SPTB: variants seen among roughly 807,000 people sequenced by gnomAD.
SPTB encodes the protein spectrin beta chain, erythrocytic.
In SPTB, 45 loss-of-function variants were observed where a neutral mutation model predicts 256.2. The ratio of observed to expected loss-of-function variants is 0.18; its 90% CI spans 0.14 to 0.23. The LOEUF (loss-of-function observed/expected upper bound fraction) is 0.23, where lower values mean the gene tolerates loss of function less well. Among genes scored for constraint, SPTB ranks in the 10% least tolerant of loss-of-function variants. SPTB has a pLI of 1.00. For missense variants in SPTB, 2,715 were observed against 3,040.4 expected (o/e 0.89, Z 2.52); for synonymous variants, 1,231 against 1,243.1 (o/e 0.99, Z 0.21).
chr14:64,769,854 T>C, intron 27 of SPTB, 126 bp from the exon 28 acceptor site: 1 of 1,359,460 alleles, frequency 7.4e-7, no homozygotes, highest in Non-Finnish European at 1.0e-6. Context: ...CCTCTCTCTC[T>C]GGCCAGCCAG....
chr14:64,861,368 T>C (rs1212806754), intron 1 of SPTB, among the ~76,000 whole-genome samples: 2 of 152,204 alleles, frequency 1.3e-5, no homozygotes, highest in African/African-American at 2.4e-5. Flanking sequence ...CTTGACAGCA[T>C]ACACTCAAGC....
At chr14:64,798,581 G>C (rs1013377850) in intron 9 of SPTB, among the ~76,000 whole-genome samples, 1 of 152,210 alleles carries the variant, frequency 6.6e-6, no homozygotes, top group African/African-American at 2.4e-5. Context: ...CCCACCCTGA[G>C]CCCAGCCTAA....
rs74343058 is a variant in SPTB, at chr14:64,871,297, A to T, written c.-52+8495T>A. Reference sequence around the variant, plus strand: ...TCCAAATCTGGGAGAAATGGTCAGGACTCAGTAAGCAGAAGTGGACAAACT... The same window carrying T: ...TCCAAATCTGGGAGAAATGGTCAGGTCTCAGTAAGCAGAAGTGGACAAACT... On this transcript the variant is annotated intron_variant, in intron 1 of 35. Coordinates refer to ENST00000644917, the MANE Select transcript of SPTB (RefSeq NM_001355436.2). Among the ~76,000 whole-genome samples the T allele has an allele frequency of 5.3e-5, 8 of 152,254 alleles. No homozygotes were observed. The East Asian group carries it at 1.5e-3, about 29-fold the overall frequency.
chr14:64,803,513 T>C, intron 4 of SPTB, 94 bp downstream of exon 4: 1 of 1,508,180 alleles, frequency 6.6e-7, no homozygotes. Context: ...GAATGTGCAC[T>C]AACACCCACA....
At chr14:64,769,931 C>A (rs2082253306) in intron 27 of SPTB, among the ~76,000 whole-genome samples, 2 of 152,154 alleles carry the variant, frequency 1.3e-5, no homozygotes, top group Non-Finnish European at 2.9e-5. Context: ...TGCTCAGTGG[C>A]CAGAGCATGG....
At position 64,841,276 on chromosome 14, in the gene SPTB, G is replaced by T. The variant is rs1374504203; in HGVS notation, c.-51-18131C>A. The stretch of plus-strand genomic sequence containing the variant: ...CAGAGCCAGGATTCAAACGCAGGCA[G>T]TCTGAGTCAGAGCCCCTGCCCTTAC... On this transcript the variant is annotated intron_variant, in intron 1 of 35. Transcript: ENST00000644917. The surrounding 1 kb of genome is among the most constrained non-coding windows in gnomAD (Gnocchi z 4.6). Among the ~76,000 whole-genome samples, 3 of 152,192 alleles carry T rather than the reference G, an allele frequency of 2.0e-5. No individual in the cohort carries two copies. Among genetic ancestry groups the T allele is most frequent in the Non-Finnish European group, 1.5e-5 (1 of 68,032 alleles).
rs957170261 is a variant in SPTB, at chr14:64,760,679, A to C, written c.6345+6047T>G. 2.6e-5 allele frequency among the ~76,000 whole-genome samples: 4 copies of C among 152,076 alleles called. No homozygotes were observed. The highest frequency in any genetic ancestry group is 1.3e-4 in the Admixed American group (2 of 15,254). On this transcript the variant is annotated intron_variant, in intron 32 of 35. Transcript: ENST00000644917. The surrounding 1 kb of genome is among the most constrained non-coding windows in gnomAD (Gnocchi z 4.3). ...AGGACTGAGGTGGGGGATGGAGAAA[A>C]ATGAAGGGACTTAAATGATCACCTA...
intron 2 of SPTB, among the ~76,000 whole-genome samples, chr14:64,805,950 C>G (rs1444112454): frequency 6.6e-6 from 1 of 152,094 alleles, no homozygotes; most frequent in African/African-American, 2.4e-5. Flanking sequence ...ACATGACACC[C>G]CTATCCTAAA....
intron 31 of SPTB, 29 bp downstream of exon 31, chr14:64,767,274 A>G (rs756219773): frequency 1.2e-6 from 2 of 1,613,552 alleles, no homozygotes; most frequent in Middle Eastern, 1.6e-4. Context: ...CAGAGCATTC[A>G]GCTCCCTGGA....
intron 1 of SPTB, among the ~76,000 whole-genome samples, chr14:64,860,762 T>C (rs2083954028): frequency 6.6e-6 from 1 of 152,146 alleles, no homozygotes; most frequent in African/African-American, 2.4e-5. Flanking sequence ...GCTTTTACGA[T>C]GTTGGTGGGA....
At chr14:64,878,916 C>A (rs146955723) in intron 1 of SPTB, among the ~76,000 whole-genome samples, 90 of 152,322 alleles carry the variant, frequency 5.9e-4, no homozygotes, top group African/African-American at 2.1e-3. Context: ...GGCTGTAACT[C>A]AAGGCCCTAC....
chr14:64,766,608 A>G (rs1363990696), intron 32 of SPTB, 118 bp downstream of exon 32: 3 of 1,607,716 alleles, frequency 1.9e-6, no homozygotes, highest in Admixed American at 3.3e-5. Flanking sequence ...TGTGGGGAGG[A>G]TGGAGGGCGG....
At chr14:64,767,576 C>G in intron 30 of SPTB, 87 bp downstream of exon 30, 1 of 1,548,674 alleles carries the variant, frequency 6.5e-7, no homozygotes, top group Non-Finnish European at 8.9e-7. Flanking sequence ...TTCTAAGTAC[C>G]TAACAACTGG....
chr14:64,807,461 C>A lies in SPTB; in HGVS notation c.149-2371G>T, dbSNP rs2083005637. Among the ~76,000 whole-genome samples the A allele has an allele frequency of 6.6e-6, 1 of 152,232 alleles. No individual in the cohort carries two copies. Among genetic ancestry groups the A allele is most frequent in the Admixed American group, 6.5e-5 (1 of 15,290 alleles). ...ACATGAATGATGCCCCCTGGACCCTCAAACGTGGGAGCCACAGGTTTTGAG... is the reference window on the plus strand; with the variant it reads ...ACATGAATGATGCCCCCTGGACCCTAAAACGTGGGAGCCACAGGTTTTGAG... On this transcript the variant is annotated intron_variant, in intron 2 of 35. Transcript: ENST00000644917. This position sits in a 1 kb window ranked among gnomAD's most constrained non-coding sequence, Gnocchi z 4.7.
Position 64,802,120 on chromosome 14 carries a change from C to G in SPTB, c.566+106G>C. ...CTTTGCATCAATTACAGGGAGGCAG[C>G]TGTAGTTCTGGGTGATGATGTCTAA... On this transcript the variant is annotated intron_variant, in intron 5 of 35. Coordinates refer to ENST00000644917, the MANE Select transcript of SPTB (RefSeq NM_001355436.2). This position sits in a 1 kb window ranked among gnomAD's most constrained non-coding sequence, Gnocchi z 5.1. The G allele has an allele frequency of 4.6e-6, 5 of 1,082,626 alleles. No homozygotes were observed. The South Asian group carries it at 5.2e-5, about 11-fold the overall frequency. The allele number at this position is 1,082,626 out of a possible 1,614,324, so 67.1% of individuals were successfully genotyped here.
At chr14:64,832,971 C>T (rs190341169) in intron 1 of SPTB, among the ~76,000 whole-genome samples, 3 of 152,318 alleles carry the variant, frequency 2.0e-5, no homozygotes, top group East Asian at 1.9e-4. Flanking sequence ...ACATCACTTA[C>T]GTACTTTAAC....
chr14:64,793,477 T>C lies in SPTB; in HGVS notation c.2186A>G (p.Lys729Arg), dbSNP rs963622491. ...KEVSAQWDQL[K>R]DLAAFCKKNL... Reference sequence around the variant, plus strand: ...CTTCTTGCAGAAGGCAGCCAGGTCCTTCAGCTGGTCCCACTGTGCCGACAC... The same window carrying C: ...CTTCTTGCAGAAGGCAGCCAGGTCCCTCAGCTGGTCCCACTGTGCCGACAC... Residue 729 changes from lysine to arginine, a missense_variant, in exon 14 of 36, where the codon AAG becomes AGG. Lys to Arg is a conservative substitution (Grantham distance 26). Transcript: ENST00000644917. This position sits in a 1 kb window ranked among gnomAD's most constrained non-coding sequence, Gnocchi z 7.0. The C allele has an allele frequency of 1.5e-5, 24 of 1,614,180 alleles. No individual in the cohort carries two copies. Among genetic ancestry groups the C allele is most frequent in the Non-Finnish European group, 1.9e-5 (23 of 1,180,050 alleles).
rs1197265603 is a variant in SPTB at position 64,799,801 on chromosome 14, A to G, written c.1010T>C (p.Val337Ala). The G allele has an allele frequency of 1.2e-6, 2 of 1,614,060 alleles. No individual in the cohort carries two copies. Among genetic ancestry groups the G allele is most frequent in the East Asian group, 2.2e-5 (1 of 44,886 alleles). The part of the protein sequence containing the change: ...SRKFANSLTG[V>A]QQQLQAFSTY... ...GCTGAAGGCCTGCAGCTGCTGCTGG[A>G]CGCCCGTCAGCGAGTTGGCAAACTT... is the stretch of plus-strand genomic sequence containing the variant. The change falls in exon 9 of 36, where the codon GTC (valine) becomes GCC (alanine). Residue 337 changes from valine (V) to alanine (A), a missense_variant. Physicochemically the swap from Val to Ala is moderately conservative, Grantham distance 64 (BLOSUM62 0). Around this residue, in one of 4 missense-constraint regions of SPTB, gnomAD observed 416 missense variants for 571.1 expected, o/e 0.73. Coordinates refer to ENST00000644917, the MANE Select transcript of SPTB (RefSeq NM_001355436.2).
At chr14:64,864,091 G>A (rs898397125) in intron 1 of SPTB, among the ~76,000 whole-genome samples, 15 of 152,152 alleles carry the variant, frequency 9.9e-5, no homozygotes, top group African/African-American at 3.6e-4. Context: ...AAATTCCATG[G>A]TGCTGCTTAT....
Sources: gnomAD v4.1 joint callset for allele counts (sites outside exome capture counted in the v4.1 genomes callset) on GRCh38, gnomAD v4.1.1 for gene constraint, gnomAD v4.1.1 regional missense constraint, Gnocchi (gnomAD v3.1) non-coding constraint, MANE v1.5 for transcripts, NCBI Gene and HGNC (gene_info 2026-07-23, HGNC 2026-07-21) for gene names.